The following TENM3 variants were observed in gnomAD, a reference collection of about 807,000 sequenced individuals.
The protein encoded by TENM3 is teneurin-3.
A neutral mutation model predicts 255.1 loss-of-function variants in TENM3; 63 were observed. That is an observed-to-expected ratio of 0.25 (90% CI 0.20 to 0.30). The LOEUF is 0.30. Ranked by LOEUF, TENM3 falls within the 10% of genes least tolerant of loss-of-function variation. The pLI is 1.00. For missense variants in TENM3, 2,929 were observed against 3,461.1 expected (o/e 0.85, Z 3.86); for synonymous variants, 1,306 against 1,322.3 (o/e 0.99, Z 0.27).
chr4:182,768,119 G>T lies in TENM3; in HGVS notation c.4893-5353G>T, dbSNP rs138310481. Among the ~76,000 whole-genome samples, 5 of 152,288 alleles carry T rather than the reference G, an allele frequency of 3.3e-5. No homozygotes were observed. The East Asian group carries it at 9.7e-4, about 29-fold the overall frequency. On this transcript the variant is annotated intron_variant, in intron 22 of 27. Coordinates refer to ENST00000511685, the MANE Select transcript of TENM3 (RefSeq NM_001080477.4). Reference sequence around the variant, plus strand: ...GAAGGGATAAAGAGCACGTCACTCCGCAAAAGAGCCCACCTCCAGAGTTAG... The same window carrying T: ...GAAGGGATAAAGAGCACGTCACTCCTCAAAAGAGCCCACCTCCAGAGTTAG...
intron 12 of TENM3, among the ~76,000 whole-genome samples, chr4:182,700,913 C>T (rs946966273): frequency 7.2e-5 from 11 of 152,038 alleles, no homozygotes; most frequent in Non-Finnish European, 4.4e-5. Context: ...TTTGTCAACA[C>T]CTCTTTTTAA....
chr4:182,106,292 C>T, the TENM3 span, among the ~76,000 whole-genome samples: 4 of 152,158 alleles, frequency 2.6e-5, no homozygotes, highest in Non-Finnish European at 4.4e-5. Flanking sequence ...AAAACCCCAT[C>T]TCTACAAAAT....
At chr4:182,293,572 G>A (rs1003421814) in intron 1 of TENM3, among the ~76,000 whole-genome samples, 1 of 152,108 alleles carries the variant, frequency 6.6e-6, no homozygotes, top group African/African-American at 2.4e-5. Flanking sequence ...CCTTTCAAAG[G>A]AATCCTGATA....
intron 1 of TENM3, among the ~76,000 whole-genome samples, chr4:182,170,239 T>C (rs1309273223): frequency 6.6e-6 from 1 of 152,070 alleles, no homozygotes; most frequent in African/African-American, 2.4e-5. Context: ...GTCAGATAAG[T>C]GATGTCACAA....
chr4:182,303,599 C>T (rs143557178), intron 1 of TENM3, among the ~76,000 whole-genome samples: 469 of 152,168 alleles, frequency 3.1e-3, no homozygotes, highest in African/African-American at 0.01. Flanking sequence ...GGTTTTGAGC[C>T]GTAGCTGTCT....
chr4:182,749,991 A>C (rs78833993), intron 19 of TENM3, among the ~76,000 whole-genome samples: 1 of 151,840 alleles, frequency 6.6e-6, no homozygotes, highest in African/African-American at 2.4e-5. Flanking sequence ...AGGAAAAAAA[A>C]AAAACCTCTA....
chr4:182,070,483 G>A, the TENM3 span, among the ~76,000 whole-genome samples: 107,564 of 151,630 alleles, frequency 0.71, 38,854 homozygotes, highest in East Asian at 0.87. Context: ...TGGGTGTAGC[G>A]GCACACGCCT....
At chr4:182,764,134 A>G (rs756365941) in intron 22 of TENM3, among the ~76,000 whole-genome samples, 1 of 152,240 alleles carries the variant, frequency 6.6e-6, no homozygotes, top group East Asian at 1.9e-4. Flanking sequence ...TTTCCATGCT[A>G]CATTGCAAAG....
At chr4:182,392,446 A>G (rs1289512444) in intron 3 of TENM3, among the ~76,000 whole-genome samples, 2 of 152,236 alleles carry the variant, frequency 1.3e-5, no homozygotes, top group African/African-American at 4.8e-5. Context: ...GTTTAATTAC[A>G]TGTAACTTGA....
rs367776516 is a variant in TENM3, at chr4:182,619,919, G to A, written c.750-8732G>A. Among the ~76,000 whole-genome samples the A allele has an allele frequency of 7.2e-5, 11 of 152,294 alleles. No individual in the cohort carries two copies. In the East Asian group the frequency reaches 1.9e-3, roughly 27 times the overall value. ...CTCTGTGTTAAAAAGAAGCCGCCGC[G>A]GCTGCTGCTTTATTGCTGAATACAA... On this transcript the variant is annotated intron_variant, in intron 4 of 27. Transcript: ENST00000511685.
chr4:181,631,614 C>T, the TENM3 span, among the ~76,000 whole-genome samples: 564 of 152,270 alleles, frequency 3.7e-3, 3 homozygotes, highest in Non-Finnish European at 5.6e-3. Flanking sequence ...TTTAAAGGCT[C>T]ATCTGATTAG....
chr4:181,685,527 A>G, the TENM3 span, among the ~76,000 whole-genome samples: 1 of 152,166 alleles, frequency 6.6e-6, no homozygotes, highest in Admixed American at 6.5e-5. Context: ...ATTTTATAAG[A>G]ATTTTTCAGA....
chr4:182,744,727 T>G (rs1761880538), intron 19 of TENM3, among the ~76,000 whole-genome samples: 1 of 152,242 alleles, frequency 6.6e-6, no homozygotes, highest in Non-Finnish European at 1.5e-5. Context: ...ATAGTTTATA[T>G]TTTCCTAAGT....
intron 1 of TENM3, among the ~76,000 whole-genome samples, chr4:182,265,405 C>A (rs1420368132): frequency 6.6e-6 from 1 of 152,098 alleles, no homozygotes; most frequent in Non-Finnish European, 1.5e-5. Context: ...AGGCTGATGA[C>A]AAAATGGGCT....
chr4:182,406,664 C>T (rs1769603235), intron 3 of TENM3, among the ~76,000 whole-genome samples: 1 of 152,100 alleles, frequency 6.6e-6, no homozygotes, highest in Non-Finnish European at 1.5e-5. Flanking sequence ...GACATTTCCT[C>T]CCCCCAGTTT....
intron 1 of TENM3, among the ~76,000 whole-genome samples, chr4:182,173,099 T>C (rs1280960457): frequency 6.6e-6 from 1 of 152,224 alleles, no homozygotes; most frequent in Non-Finnish European, 1.5e-5. Context: ...CCAATCTCAC[T>C]GTCTTAATGA....
intron 16 of TENM3, among the ~76,000 whole-genome samples, chr4:182,734,469 A>G (rs185909160): frequency 1.3e-5 from 2 of 152,328 alleles, no homozygotes; most frequent in East Asian, 3.9e-4. Context: ...GAAGATATTG[A>G]TAGAAAAGAG....
At chr4:182,645,004 A>T (rs1163492995) in intron 5 of TENM3, among the ~76,000 whole-genome samples, 1 of 152,102 alleles carries the variant, frequency 6.6e-6, no homozygotes, top group East Asian at 2.0e-4. Flanking sequence ...CAAATGTCAG[A>T]TGTTACAACT....
At chr4:181,503,261 G>A in the TENM3 span, among the ~76,000 whole-genome samples, 3 of 152,266 alleles carry the variant, frequency 2.0e-5, no homozygotes, top group East Asian at 5.8e-4. Flanking sequence ...ATCTACTCAG[G>A]AGGCTGAGGT....
Sources: allele counts gnomAD v4.1 joint callset (sites outside exome capture counted in the v4.1 genomes callset), GRCh38; gene constraint gnomAD v4.1.1; transcripts MANE v1.5; gene names NCBI Gene and HGNC (gene_info 2026-07-23, HGNC 2026-07-21).